B4GALT3: variants seen among roughly 807,000 people sequenced by gnomAD.
The protein encoded by B4GALT3 is beta-1,4-galactosyltransferase 3, also known as N-acetyllactosamine synthase.
B4GALT3 carries 29 observed loss-of-function variants against 40.7 expected under a neutral mutation model. That is an observed-to-expected ratio of 0.71 (90% CI 0.53 to 0.97). The LOEUF (loss-of-function observed/expected upper bound fraction) is 0.97, where lower values mean the gene tolerates loss of function less well. Among genes scored for constraint, B4GALT3 ranks in the 50% least tolerant of loss-of-function variants. The pLI is 0.00. For missense variants in B4GALT3, 390 were observed against 522.3 expected, an observed-to-expected ratio of 0.75 and a Z score of 2.47; for synonymous variants, 182 against 203.9, an observed-to-expected ratio of 0.89 and a Z score of 0.92.
rs774936088 is a variant in B4GALT3, at chr1:161,176,877, G to A, written c.-160-298C>T. 259 of 1,536,256 alleles carry A rather than the reference G, an allele frequency of 1.7e-4. 3 individuals are homozygous for A. In the Middle Eastern group the frequency reaches 3.5e-3, roughly 21 times the overall value. On this transcript the variant is annotated intron_variant, in intron 1 of 7. Transcript: ENST00000319769. ...AAGAACCAGTTGAAGTGGCGACAGA[G>A]TCATGACAGGACCGTGGAGTGGCCT...
chr1:161,176,858 C>G lies in B4GALT3; in HGVS notation c.-160-279G>C, dbSNP rs1368067383. 9.1e-6 allele frequency: 14 copies of G among 1,535,672 alleles called. No individual in the cohort carries two copies. The East Asian group carries it at 2.0e-4, about 21-fold the overall frequency. On this transcript the variant is annotated intron_variant, in intron 1 of 7. Coordinates refer to ENST00000319769, the MANE Select transcript of B4GALT3 (RefSeq NM_003779.4). ...CATTGTTTTCCCCCAGACCAAGAAC[C>G]AGTTGAAGTGGCGACAGAGTCATGA...
Position 161,171,660 on chromosome 1 carries a change from G to A in B4GALT3, c.*156C>T, listed in dbSNP as rs1443015636. 9.3e-7 allele frequency: 1 copy of A among 1,074,058 alleles called. No individual in the cohort carries two copies. The highest frequency in any genetic ancestry group is 1.3e-6 in the Non-Finnish European group (1 of 758,198). The allele number at this position is 1,074,058 out of a possible 1,614,324, so 66.5% of individuals were successfully genotyped here. On this transcript the variant is annotated 3_prime_UTR_variant, in exon 8 of 8. Coordinates refer to ENST00000319769, the MANE Select transcript of B4GALT3 (RefSeq NM_003779.4). Reference sequence around the variant, plus strand: ...GACCCCTCAGGTCTACAGGAGCCCAGCTCCAGTCCAGCAGTGAGGGAGAGG... The same window carrying A: ...GACCCCTCAGGTCTACAGGAGCCCAACTCCAGTCCAGCAGTGAGGGAGAGG...
chr1:161,176,940 C>T, intron 1 of B4GALT3: 1 of 1,536,210 alleles, frequency 6.5e-7, no homozygotes, highest in South Asian at 1.2e-5. Flanking sequence ...CAGGCTCCTT[C>T]TATTCTTCAT....
Position 161,171,363 on chromosome 1 carries a change from C to A in B4GALT3, c.*453G>T. Reference sequence around the variant, plus strand: ...ATATCAAAATCCCAGCCCCCTGAGCCAGGACCAGAAGAGGGAGCTATTCCA... The same window carrying A: ...ATATCAAAATCCCAGCCCCCTGAGCAAGGACCAGAAGAGGGAGCTATTCCA... On this transcript the variant is annotated 3_prime_UTR_variant, in exon 8 of 8. Coordinates refer to ENST00000319769, the MANE Select transcript of B4GALT3 (RefSeq NM_003779.4). The A allele has an allele frequency of 1.9e-6, 2 of 1,052,450 alleles. No homozygotes were observed. The highest frequency in any genetic ancestry group is 2.8e-6 in the Non-Finnish European group (2 of 723,886). The allele number at this position is 1,052,450 out of a possible 1,614,324, so 65.2% of individuals were successfully genotyped here.
chr1:161,174,402 CAA>C (rs554703903), intron 4 of B4GALT3, among the ~76,000 whole-genome samples: 7 of 55,744 alleles, frequency 1.3e-4, no homozygotes, highest in Admixed American at 3.9e-4. Flanking sequence ...AGTGAGATCT[CAA>C]AAAAAAAAAA....
intron 1 of B4GALT3, 132 bp downstream of exon 1, chr1:161,177,291 C>T (rs1663984199): frequency 1.7e-6 from 1 of 571,868 alleles, no homozygotes; most frequent in African/African-American, 1.9e-5. Flanking sequence ...GCCCGGCCCC[C>T]GTCCATACTT....
intron 3 of B4GALT3, 66 bp downstream of exon 3, chr1:161,175,742 A>G (rs2101970778): frequency 6.3e-7 from 1 of 1,582,096 alleles, no homozygotes; most frequent in Non-Finnish European, 8.6e-7. Flanking sequence ...ATGCCTCCCT[A>G]TCCCCAAGCC....
chr1:161,176,374 T>TTTCAGAAA (rs1462486677), intron 2 of B4GALT3, 60 bp downstream of exon 2: 1 of 464,720 alleles, frequency 2.2e-6, no homozygotes, highest in African/African-American at 2.0e-5. Flanking sequence ...CTCATGTTCA[T>TTTCAGAAA]TTCAGAAAGT....
At chr1:161,174,691 A>G (rs1394561185) in intron 4 of B4GALT3, among the ~76,000 whole-genome samples, 1 of 152,228 alleles carries the variant, frequency 6.6e-6, no homozygotes, top group East Asian at 1.9e-4. Context: ...TCAGAGTCAT[A>G]CATGTAACAA....
intron 3 of B4GALT3, 24 bp downstream of exon 3, chr1:161,175,784 C>G: frequency 6.2e-7 from 1 of 1,608,342 alleles, no homozygotes; most frequent in Non-Finnish European, 8.5e-7. Flanking sequence ...CTTCCTTTCA[C>G]CACCTCCTTC....
chr1:161,172,212 C>T lies in B4GALT3; in HGVS notation c.908+15G>A. 1 of 1,613,234 alleles carries T rather than the reference C, an allele frequency of 6.2e-7. No individual in the cohort carries two copies. Among genetic ancestry groups the T allele is most frequent in the Non-Finnish European group, 8.5e-7 (1 of 1,179,252 alleles). On this transcript the variant is annotated intron_variant, in intron 7 of 7. Coordinates refer to ENST00000319769, the MANE Select transcript of B4GALT3 (RefSeq NM_003779.4). ...ATCCAGTAACAATTCCCAGGCAGTCCTTCCTTCTTCCTACCTGTGGGGATT... is the reference window on the plus strand; with the variant it reads ...ATCCAGTAACAATTCCCAGGCAGTCTTTCCTTCTTCCTACCTGTGGGGATT...
In B4GALT3 at chr1:161,172,450, G is replaced by C. The variant is rs908441320; in HGVS notation, c.804-119C>G. On this transcript the variant is annotated intron_variant, in intron 6 of 7. Transcript: ENST00000319769. The stretch of plus-strand genomic sequence containing the variant: ...ACTTAGTAGGCAAAAGAAAAAAAAA[G>C]CCCAGGACAGAAGTCAAACAGAAAG... The C allele has an allele frequency of 2.7e-5, 22 of 801,076 alleles. 1 individual carries two copies. Among genetic ancestry groups the C allele is most frequent in the Non-Finnish European group, 4.3e-5 (22 of 516,608 alleles). The allele number at this position is 801,076 out of a possible 1,614,324, so 49.6% of individuals were successfully genotyped here. A position where few individuals can be genotyped will look rare whatever the true frequency, so the allele number is the denominator to read the frequency against.
intron 1 of B4GALT3, chr1:161,176,827 T>C (rs1376054694): frequency 6.5e-6 from 10 of 1,530,970 alleles, no homozygotes; most frequent in Non-Finnish European, 7.9e-6. Flanking sequence ...GGACAGCTAA[T>C]GGAAACATTG....
At chr1:161,172,434 G>T in intron 6 of B4GALT3, 103 bp from the exon 7 acceptor site, 3 of 1,017,400 alleles carry the variant, frequency 2.9e-6, no homozygotes, top group Non-Finnish European at 4.2e-6. Context: ...TACTTAGTAG[G>T]CAAAAGAAAA....
intron 3 of B4GALT3, among the ~76,000 whole-genome samples, chr1:161,175,490 G>T (rs1268696436): frequency 1.3e-5 from 2 of 152,116 alleles, no homozygotes. Flanking sequence ...GGAAGCTATA[G>T]TTGAAGGCTG....
chr1:161,176,729 C>T (rs1287122903), intron 1 of B4GALT3, 150 bp from the exon 2 acceptor site: 2 of 771,584 alleles, frequency 2.6e-6, no homozygotes, highest in Non-Finnish European at 4.2e-6. Context: ...GCCTATCTCC[C>T]GTGCTACCCT....
rs1311227510 is a variant in B4GALT3 at position 161,175,114 on chromosome 1, G to A, written c.368C>T (p.Ser123Phe). 1.2e-6 allele frequency: 2 copies of A among 1,614,014 alleles called. No homozygotes were observed. Among genetic ancestry groups the A allele is most frequent in the Admixed American group, 1.7e-5 (1 of 60,008 alleles). The change falls in exon 4 of 8, where the codon TCC becomes TTC. Residue 123 changes from serine to phenylalanine, a missense_variant. Ser to Phe is a radical substitution (Grantham distance 155, BLOSUM62 -2). This residue lies in a region of B4GALT3 where 183 missense variants were observed against 223.2 expected (regional missense o/e 0.82). Transcript: ENST00000319769. Reference sequence around the variant, plus strand: ...ATGAGGCACAATGATGGCTGTTCGGGAGCGGGGCTCACAACCTGCAGGGCG... The same window carrying A: ...ATGAGGCACAATGATGGCTGTTCGGAAGCGGGGCTCACAACCTGCAGGGCG... Reference protein sequence around the residue: ...RYRPAGCEPRSRTAIIVPHRA... With the variant: ...RYRPAGCEPRFRTAIIVPHRA...
intron 6 of B4GALT3, among the ~76,000 whole-genome samples, chr1:161,173,326 C>G (rs183165723): frequency 3.7e-4 from 57 of 152,328 alleles, no homozygotes; most frequent in Admixed American, 1.0e-3. Context: ...ACTAAGCTGT[C>G]TCTGGGCCCC....
rs1291781673 is a variant in B4GALT3 at position 161,176,565 on chromosome 1, C to A, written c.-146G>T. ...AAGGCTCCATCCAGCACTCCAGCAGCGAATCTGGGACCAGCTGGAACAGAA... is the reference window on the plus strand; with the variant it reads ...AAGGCTCCATCCAGCACTCCAGCAGAGAATCTGGGACCAGCTGGAACAGAA... On this transcript the variant is annotated 5_prime_UTR_variant, in exon 2 of 8. Coordinates refer to ENST00000319769, the MANE Select transcript of B4GALT3 (RefSeq NM_003779.4). 1.5e-5 allele frequency: 7 copies of A among 482,068 alleles called. No homozygotes were observed. The East Asian group carries it at 2.6e-4, about 18-fold the overall frequency. The allele number at this position is 482,068 out of a possible 1,614,324, so 29.9% of individuals were successfully genotyped here. A position where few individuals can be genotyped will look rare whatever the true frequency, so the allele number is the denominator to read the frequency against.
Sources: allele counts gnomAD v4.1 joint callset (sites outside exome capture counted in the v4.1 genomes callset), GRCh38; gene constraint gnomAD v4.1.1; regional missense constraint gnomAD v4.1.1; transcripts MANE v1.5; gene names NCBI Gene and HGNC (gene_info 2026-07-23, HGNC 2026-07-21).